The following AFF3 variants were observed in gnomAD, a reference collection of about 807,000 sequenced individuals.
AFF3 encodes AF4/FMR2 family member 3.
AFF3 carries 32 observed loss-of-function variants against 129.7 expected under a neutral mutation model. The ratio of observed to expected loss-of-function variants is 0.25; its 90% CI spans 0.19 to 0.33. The LOEUF (loss-of-function observed/expected upper bound fraction) is 0.33, where lower values mean the gene tolerates loss of function less well. Among genes scored for constraint, AFF3 ranks in the 10% least tolerant of loss-of-function variants. AFF3 has a pLI of 1.00. For synonymous variants in AFF3, 644 were observed against 635.4 expected, an observed-to-expected ratio of 1.01 and a Z score of -0.20; for missense variants, 1,373 against 1,592.0, an observed-to-expected ratio of 0.86 and a Z score of 2.34.
intron 8 of AFF3, among the ~76,000 whole-genome samples, chr2:99,784,866 A>T (rs1684675771): frequency 6.6e-6 from 1 of 152,226 alleles, no homozygotes; most frequent in South Asian, 2.1e-4. Context: ...TTAAGTTATT[A>T]GAGTTTAAAA....
intron 8 of AFF3, among the ~76,000 whole-genome samples, chr2:99,813,306 G>A (rs1265475903): frequency 6.6e-6 from 1 of 152,204 alleles, no homozygotes; most frequent in Non-Finnish European, 1.5e-5. Flanking sequence ...AAACAAAAAT[G>A]CCATTTGTGT....
intron 11 of AFF3, among the ~76,000 whole-genome samples, chr2:99,696,710 G>GGCGCAAT (rs2104730091): frequency 2.8e-5 from 1 of 35,416 alleles, no homozygotes; most frequent in African/African-American, 1.1e-4. Context: ...AGGCTGGAGT[G>GGCGCAAT]CAGTGGCTCA....
chr2:99,847,403 T>G (rs972324557), intron 7 of AFF3, among the ~76,000 whole-genome samples: 10 of 152,034 alleles, frequency 6.6e-5, no homozygotes, highest in Admixed American at 3.9e-4. Flanking sequence ...CTCGAACTCC[T>G]GACCTTTAGT....
At chr2:99,840,673 C>T (rs1377215215) in intron 7 of AFF3, among the ~76,000 whole-genome samples, 1 of 152,168 alleles carries the variant, frequency 6.6e-6, no homozygotes, top group Non-Finnish European at 1.5e-5. Flanking sequence ...TTCCCAATTC[C>T]TTACCACAGG....
intron 4 of AFF3, among the ~76,000 whole-genome samples, chr2:100,063,308 A>G (rs1440215785): frequency 6.6e-6 from 1 of 151,896 alleles, no homozygotes; most frequent in Non-Finnish European, 1.5e-5. Flanking sequence ...AACTGAAAAG[A>G]GCTGTGGAGA....
At chr2:99,760,212 A>G (rs1682463923) in intron 8 of AFF3, among the ~76,000 whole-genome samples, 1 of 152,210 alleles carries the variant, frequency 6.6e-6, no homozygotes, top group South Asian at 2.1e-4. Flanking sequence ...TATGGGGAAG[A>G]GTTTTTTAAA....
In AFF3 at chr2:99,556,908, C is replaced by T. The variant is rs558032236; in HGVS notation, c.3285+1967G>A. Among the ~76,000 whole-genome samples, 330 of 146,338 alleles carry T rather than the reference C, an allele frequency of 2.3e-3. 1 individual carries two copies. The highest frequency in any genetic ancestry group is 4.6e-3 in the Admixed American group (68 of 14,704). On this transcript the variant is annotated intron_variant, in intron 22 of 24. Transcript: ENST00000672756. ...CTGCACTCTAGCCTGGGCAACAGAA[C>T]GGGACAGAAAAAAAAAAAAAGTCCT...
chr2:99,945,317 GT>G (rs1558997809), intron 7 of AFF3, among the ~76,000 whole-genome samples: 2 of 152,206 alleles, frequency 1.3e-5, no homozygotes, highest in African/African-American at 2.4e-5. Context: ...TCTGAAGTAA[GT>G]TTTTACACTT....
intron 8 of AFF3, among the ~76,000 whole-genome samples, chr2:99,813,557 G>C (rs1470257874): frequency 6.6e-6 from 1 of 152,184 alleles, no homozygotes; most frequent in African/African-American, 2.4e-5. Context: ...CATTATTTCA[G>C]TGAGGTCTGT....
intron 4 of AFF3, among the ~76,000 whole-genome samples, chr2:100,070,062 T>C (rs1688047446): frequency 6.6e-6 from 1 of 152,222 alleles, no homozygotes; most frequent in African/African-American, 2.4e-5. Flanking sequence ...AAGTTGCTTC[T>C]ACACATTAGG....
chr2:99,580,085 T>C (rs1048226732), intron 17 of AFF3, among the ~76,000 whole-genome samples: 2 of 152,184 alleles, frequency 1.3e-5, no homozygotes, highest in Non-Finnish European at 2.9e-5. Flanking sequence ...CCCAGCCAAG[T>C]GGCCCCTCAG....
chr2:99,571,398 CCTT>C (rs1335663251), intron 18 of AFF3, among the ~76,000 whole-genome samples: 10 of 152,106 alleles, frequency 6.6e-5, no homozygotes, highest in Non-Finnish European at 5.9e-5. Context: ...TTTCCACCAG[CCTT>C]CTAAGTTACC....
At chr2:99,902,281 T>C (rs1380652305) in intron 7 of AFF3, among the ~76,000 whole-genome samples, 2 of 152,210 alleles carry the variant, frequency 1.3e-5, no homozygotes, top group East Asian at 3.9e-4. Context: ...TGACTTGTTA[T>C]ACATATACAA....
chr2:99,977,655 A>C (rs924198129), intron 7 of AFF3, among the ~76,000 whole-genome samples: 1 of 152,202 alleles, frequency 6.6e-6, no homozygotes, highest in African/African-American at 2.4e-5. Flanking sequence ...CCCAACTTAG[A>C]AATGGAGGAG....
chr2:99,656,395 G>A (rs2104211885), intron 12 of AFF3, among the ~76,000 whole-genome samples: 1 of 152,278 alleles, frequency 6.6e-6, no homozygotes, highest in Admixed American at 6.5e-5. Flanking sequence ...ATTTTAATCA[G>A]CTTGTTGCAC....
At chr2:99,606,749 C>A (rs766456224) in intron 13 of AFF3, among the ~76,000 whole-genome samples, 12 of 151,708 alleles carry the variant, frequency 7.9e-5, no homozygotes, top group Admixed American at 1.3e-4. Flanking sequence ...CCCGTCTCTA[C>A]TAAAAATACA....
At chr2:99,903,872 CTATT>C (rs1215528674) in intron 7 of AFF3, among the ~76,000 whole-genome samples, 2 of 152,138 alleles carry the variant, frequency 1.3e-5, no homozygotes, top group Admixed American at 6.5e-5. Flanking sequence ...GAAGTCCACT[CTATT>C]TATCTTCTCT....
At chr2:99,739,791 T>C (rs1558803304) in intron 10 of AFF3, among the ~76,000 whole-genome samples, 1 of 152,062 alleles carries the variant, frequency 6.6e-6, no homozygotes, top group East Asian at 1.9e-4. Context: ...TCAGTATTTC[T>C]CTATTTCTTT....
At chr2:100,053,119 G>C (rs997953979) in intron 4 of AFF3, among the ~76,000 whole-genome samples, 2 of 152,292 alleles carry the variant, frequency 1.3e-5, no homozygotes, top group Middle Eastern at 3.4e-3. Flanking sequence ...TAATCAAAAA[G>C]TCATTTATGT....
Sources: allele counts gnomAD v4.1 joint callset (sites outside exome capture counted in the v4.1 genomes callset), GRCh38; gene constraint gnomAD v4.1.1; transcripts MANE v1.5; gene names NCBI Gene and HGNC (gene_info 2026-07-23, HGNC 2026-07-21).